RYR2: variants seen among roughly 807,000 people sequenced by gnomAD.
The protein encoded by RYR2 is ryanodine receptor 2.
In RYR2, 227 loss-of-function variants were observed where a neutral mutation model predicts 601.1. The ratio of observed to expected loss-of-function variants is 0.38; its 90% CI spans 0.34 to 0.42. The LOEUF (loss-of-function observed/expected upper bound fraction) is 0.42, where lower values mean the gene tolerates loss of function less well. Among genes scored for constraint, RYR2 ranks in the 10% least tolerant of loss-of-function variants. RYR2 has a pLI of 1.00. For synonymous variants in RYR2, 2,223 were observed against 2,175.1 expected, an observed-to-expected ratio of 1.02 and a Z score of -0.61; for missense variants, 4,646 against 6,156.5, an observed-to-expected ratio of 0.75 and a Z score of 8.21.
rs555600266 is a variant in RYR2, at chr1:237,074,778, G to A, written c.48+32209G>A. Among the ~76,000 whole-genome samples, 3 of 152,304 alleles carry A rather than the reference G, an allele frequency of 2.0e-5. No homozygotes were observed. The East Asian group carries it at 5.8e-4, about 29-fold the overall frequency. ...GACTGGGGGAGGGCAGTCCATCAGA[G>A]ATGATTCAGGCGATGTTACGTTGGT... On this transcript the variant is annotated intron_variant, in intron 1 of 104. Coordinates refer to ENST00000366574, the MANE Select transcript of RYR2 (RefSeq NM_001035.3).
intron 2 of RYR2, among the ~76,000 whole-genome samples, chr1:237,327,826 A>G (rs1386156122): frequency 6.6e-6 from 1 of 152,206 alleles, no homozygotes; most frequent in African/African-American, 2.4e-5. Context: ...GGGTATAATT[A>G]TTATCCAATT....
At chr1:237,503,001 T>A (rs1200995718) in intron 21 of RYR2, among the ~76,000 whole-genome samples, 1 of 152,154 alleles carries the variant, frequency 6.6e-6, no homozygotes, top group Non-Finnish European at 1.5e-5. Flanking sequence ...CCCGTAAGAA[T>A]GTGGTGCATG....
In RYR2 at chr1:237,798,063, C is replaced by T. The variant is rs138498780; in HGVS notation, c.13983C>T (p.Tyr4661=). ...RKVMDKYGEF[Y]GRDRISELLG... is the part of the protein sequence containing the mutation. ...TTATGGATAAATATGGAGAGTTCTA[C>T]GGCCGAGACAGAATCAGTGAATTAC... The change falls in exon 97 of 105, where the codon TAC becomes TAT. Residue 4661 remains tyrosine, a synonymous_variant. Coordinates refer to ENST00000366574, the MANE Select transcript of RYR2 (RefSeq NM_001035.3). The T allele has an allele frequency of 2.8e-3, 4,486 of 1,610,812 alleles. 12 individuals carry two copies. Among genetic ancestry groups the T allele is most frequent in the Non-Finnish European group, 3.4e-3 (3,987 of 1,178,342 alleles).
At chr1:237,345,485 A>T (rs1698224837) in intron 3 of RYR2, among the ~76,000 whole-genome samples, 1 of 151,264 alleles carries the variant, frequency 6.6e-6, no homozygotes, top group Non-Finnish European at 1.5e-5. Context: ...AAAAAATAAA[A>T]AAAAATATAT....
At chr1:237,803,107 A>G (rs1660163561) in intron 98 of RYR2, among the ~76,000 whole-genome samples, 1 of 152,180 alleles carries the variant, frequency 6.6e-6, no homozygotes, top group South Asian at 2.1e-4. Flanking sequence ...TAAGCAGAAA[A>G]TAATATTTAG....
chr1:237,046,767 C>T (rs777223007), intron 1 of RYR2, among the ~76,000 whole-genome samples: 2 of 152,098 alleles, frequency 1.3e-5, no homozygotes, highest in Non-Finnish European at 2.9e-5. Context: ...AGATAGCTTT[C>T]GGGAGAGAGG....
chr1:237,663,728 A>T (rs1026759328), intron 56 of RYR2, among the ~76,000 whole-genome samples: 1 of 152,208 alleles, frequency 6.6e-6, no homozygotes, highest in Non-Finnish European at 1.5e-5. Flanking sequence ...GTGAGCCATA[A>T]TTTTTGTCGT....
intron 1 of RYR2, among the ~76,000 whole-genome samples, chr1:237,261,827 C>T (rs891791017): frequency 1.3e-5 from 2 of 152,194 alleles, no homozygotes; most frequent in Non-Finnish European, 2.9e-5. Flanking sequence ...AAAACCTCAA[C>T]TTCCCCCAGG....
intron 43 of RYR2, among the ~76,000 whole-genome samples, chr1:237,634,312 A>G (rs1218339555): frequency 6.6e-6 from 1 of 152,172 alleles, no homozygotes. Flanking sequence ...CATTTTCAAC[A>G]ACATGGATGA....
chr1:237,225,094 G>T (rs556224314), intron 1 of RYR2, among the ~76,000 whole-genome samples: 72 of 152,124 alleles, frequency 4.7e-4, no homozygotes, highest in Non-Finnish European at 7.8e-4. Flanking sequence ...AATTTTGGTT[G>T]AATTCTTTCA....
In RYR2 at chr1:237,209,516, T is replaced by TGTGTGTGTGTA. The variant is rs1260539665; in HGVS notation, c.49-60981_49-60980insGTGTGTGTGTA. 4.9e-4 allele frequency among the ~76,000 whole-genome samples: 73 copies of TGTGTGTGTGTA among 148,100 alleles called. 1 individual carries two copies. Among genetic ancestry groups the TGTGTGTGTGTA allele is most frequent in the African/African-American group, 1.8e-3 (72 of 40,214 alleles). ...GCATATATGTGTGTGTGTGTGTGTA[T>TGTGTGTGTGTA]TTTTTTTTTTTCTTTGGGAAGTGTG... On this transcript the variant is annotated intron_variant, in intron 1 of 104. Transcript: ENST00000366574.
intron 2 of RYR2, among the ~76,000 whole-genome samples, chr1:237,310,524 A>G (rs1050703759): frequency 2.6e-5 from 4 of 152,056 alleles, no homozygotes; most frequent in African/African-American, 9.7e-5. Flanking sequence ...ATCCTACTTG[A>G]TCCTTTTCTT....
intron 3 of RYR2, among the ~76,000 whole-genome samples, chr1:237,351,015 G>A (rs911322389): frequency 6.6e-6 from 1 of 152,078 alleles, no homozygotes. Context: ...GATTATGGAG[G>A]AAGTATAAGC....
At chr1:237,331,756 T>G (rs375938347) in intron 3 of RYR2, among the ~76,000 whole-genome samples, 1 of 151,812 alleles carries the variant, frequency 6.6e-6, no homozygotes, top group African/African-American at 2.4e-5. Flanking sequence ...CCTCGTGATC[T>G]GCCCACCTTG....
At chr1:237,358,831 A>G (rs932273944) in intron 4 of RYR2, among the ~76,000 whole-genome samples, 1 of 152,026 alleles carries the variant, frequency 6.6e-6, no homozygotes, top group Non-Finnish European at 1.5e-5. Flanking sequence ...TACCCTTGCT[A>G]GGCTTGAAGT....
chr1:237,802,931 C>G (rs146265925), intron 98 of RYR2, among the ~76,000 whole-genome samples: 4 of 152,276 alleles, frequency 2.6e-5, no homozygotes, highest in African/African-American at 9.6e-5. Flanking sequence ...CCTTAGACAG[C>G]GTTCTGCTAT....
chr1:237,320,658 C>G (rs1170044699), intron 2 of RYR2, among the ~76,000 whole-genome samples: 1 of 152,206 alleles, frequency 6.6e-6, no homozygotes, highest in Non-Finnish European at 1.5e-5. Context: ...ATATCTAATT[C>G]TATCATCAAG....
intron 1 of RYR2, among the ~76,000 whole-genome samples, chr1:237,242,826 C>T (rs998889709): frequency 3.3e-5 from 5 of 152,096 alleles, no homozygotes; most frequent in Non-Finnish European, 5.9e-5. Flanking sequence ...TGATAGGAGC[C>T]TTTTGGTGTA....
At chr1:237,671,018 G>T (rs958737520) in intron 58 of RYR2, among the ~76,000 whole-genome samples, 1 of 152,106 alleles carries the variant, frequency 6.6e-6, no homozygotes, top group Non-Finnish European at 1.5e-5. Context: ...ACTCGTAAAT[G>T]GCACATCCAT....
Sources: gnomAD v4.1 joint callset for allele counts (sites outside exome capture counted in the v4.1 genomes callset) on GRCh38, gnomAD v4.1.1 for gene constraint, MANE v1.5 for transcripts, NCBI Gene and HGNC (gene_info 2026-07-23, HGNC 2026-07-21) for gene names.